NAALADL2: variants seen among roughly 807,000 people sequenced by gnomAD.
NAALADL2 encodes N-acetylated alpha-linked acidic dipeptidase like 2.
In NAALADL2, 76 loss-of-function variants were observed where a neutral mutation model predicts 87.2. The ratio of observed to expected loss-of-function variants is 0.87; its 90% CI spans 0.72 to 1.05. The LOEUF is 1.05. Ranked by LOEUF, NAALADL2 falls within the 50% of genes least tolerant of loss-of-function variation. The pLI is 0.00. For missense variants in NAALADL2, 1,089 were observed against 945.8 expected, an observed-to-expected ratio of 1.15 and a Z score of -1.99; for synonymous variants, 354 against 331.0, an observed-to-expected ratio of 1.07 and a Z score of -0.75.
intron 13 of NAALADL2, among the ~76,000 whole-genome samples, chr3:175,758,460 G>A (rs928904103): frequency 7.9e-5 from 12 of 151,806 alleles, no homozygotes; most frequent in Non-Finnish European, 1.0e-4. Flanking sequence ...GATTAGCTTC[G>A]TTTAGACGTA....
chr3:174,604,084 C>G (rs1287698376), intron 2 of NAALADL2, among the ~76,000 whole-genome samples: 1 of 152,054 alleles, frequency 6.6e-6, no homozygotes, highest in Non-Finnish European at 1.5e-5. Flanking sequence ...TTTATTTGGT[C>G]TATAGTGCAA....
intron 5 of NAALADL2, among the ~76,000 whole-genome samples, chr3:175,408,609 T>C (rs1467735318): frequency 1.3e-5 from 2 of 152,044 alleles, no homozygotes; most frequent in African/African-American, 4.8e-5. Context: ...TTGTATATAA[T>C]GTTTCAGAAT....
intron 11 of NAALADL2, among the ~76,000 whole-genome samples, chr3:175,629,210 T>G (rs1727424238): frequency 6.7e-6 from 1 of 148,728 alleles, no homozygotes; most frequent in Non-Finnish European, 1.5e-5. Context: ...AATGAATATA[T>G]AGTTTAATGA....
chr3:175,199,955 A>G (rs1468319830), intron 2 of NAALADL2, among the ~76,000 whole-genome samples: 1 of 143,868 alleles, frequency 7.0e-6, no homozygotes, highest in Non-Finnish European at 1.5e-5. Flanking sequence ...AATACAGGTT[A>G]ACCCAAAAGC....
intron 4 of NAALADL2, among the ~76,000 whole-genome samples, chr3:175,270,387 C>T (rs910046754): frequency 6.6e-6 from 1 of 152,120 alleles, no homozygotes; most frequent in Non-Finnish European, 1.5e-5. Flanking sequence ...ATGGTCATTA[C>T]GGTTAAATCA....
chr3:174,641,370 T>C (rs1393380343), intron 2 of NAALADL2, among the ~76,000 whole-genome samples: 2 of 152,174 alleles, frequency 1.3e-5, no homozygotes, highest in Non-Finnish European at 2.9e-5. Flanking sequence ...CTAGGTTTGG[T>C]GATTTCACTA....
intron 2 of NAALADL2, among the ~76,000 whole-genome samples, chr3:175,177,694 G>T (rs1159997885): frequency 6.6e-6 from 1 of 151,974 alleles, no homozygotes; most frequent in Non-Finnish European, 1.5e-5. Flanking sequence ...AACCATAATA[G>T]GTCCTAGTAT....
intron 11 of NAALADL2, among the ~76,000 whole-genome samples, chr3:175,657,468 G>A (rs1005087655): frequency 2.0e-5 from 3 of 151,846 alleles, no homozygotes; most frequent in African/African-American, 7.3e-5. Context: ...AAAATAAAAT[G>A]TCAGGATTTC....
At chr3:175,768,814 A>G (rs893032873) in intron 13 of NAALADL2, among the ~76,000 whole-genome samples, 2 of 151,190 alleles carry the variant, frequency 1.3e-5, no homozygotes, top group Admixed American at 6.6e-5. Flanking sequence ...ATTGGTCCAC[A>G]GCACTCCAGC....
At chr3:175,283,561 T>A in intron 4 of NAALADL2, among the ~76,000 whole-genome samples, 1 of 152,092 alleles carries the variant, frequency 6.6e-6, no homozygotes, top group East Asian at 1.9e-4. Flanking sequence ...AAAAATAATT[T>A]ATCATTCTGT....
At chr3:175,124,541 GC>G (rs563707535) in intron 2 of NAALADL2, 2 of 151,954 alleles carry the variant, frequency 1.3e-5, no homozygotes, top group Non-Finnish European at 2.9e-5. Context: ...CTTTCAACAG[GC>G]TTTCATTTTA....
chr3:175,306,533 C>A (rs926631886), intron 4 of NAALADL2, among the ~76,000 whole-genome samples: 5 of 152,118 alleles, frequency 3.3e-5, no homozygotes, highest in African/African-American at 1.2e-4. Flanking sequence ...CCAAAGCGGC[C>A]AGACGCGGTG....
At chr3:175,538,423 T>C (rs1466987101) in intron 9 of NAALADL2, among the ~76,000 whole-genome samples, 1 of 151,640 alleles carries the variant, frequency 6.6e-6, no homozygotes, top group Non-Finnish European at 1.5e-5. Flanking sequence ...CAGGAAAGGC[T>C]CTAGATTACC....
chr3:175,218,204 T>C (rs1297843997), intron 2 of NAALADL2: 2 of 365,674 alleles, frequency 5.5e-6, no homozygotes, highest in Non-Finnish European at 1.1e-5. Context: ...TTATATATTA[T>C]GTAAATTCCC....
chr3:175,192,322 T>C (rs1006834496), intron 2 of NAALADL2, among the ~76,000 whole-genome samples: 1 of 152,112 alleles, frequency 6.6e-6, no homozygotes, highest in Non-Finnish European at 1.5e-5. Context: ...AAACTTGCTG[T>C]CTTAGATTTT....
At chr3:174,493,546 C>G (rs894490743) in intron 1 of NAALADL2, among the ~76,000 whole-genome samples, 3 of 152,078 alleles carry the variant, frequency 2.0e-5, no homozygotes, top group African/African-American at 7.2e-5. Flanking sequence ...GTTTTTTAAG[C>G]CACACAGTCT....
intron 2 of NAALADL2, among the ~76,000 whole-genome samples, chr3:174,567,481 A>G (rs1714426875): frequency 6.6e-6 from 1 of 151,538 alleles, no homozygotes; most frequent in African/African-American, 2.4e-5. Context: ...CATATTATTT[A>G]TACCTACCTG....
intron 1 of NAALADL2, among the ~76,000 whole-genome samples, chr3:174,885,877 T>G (rs75389291): frequency 3.2e-3 from 10 of 3,146 alleles, no homozygotes; most frequent in East Asian, 0.01. Context: ...GTCCGAGTTG[T>G]TTTTTTTTTT....
intron 2 of NAALADL2, among the ~76,000 whole-genome samples, chr3:174,644,664 C>T (rs1723598722): frequency 6.6e-6 from 1 of 152,062 alleles, no homozygotes; most frequent in Non-Finnish European, 1.5e-5. Context: ...GGAATAATCC[C>T]CAAGTGGAGC....
Sources: allele counts gnomAD v4.1 joint callset (sites outside exome capture counted in the v4.1 genomes callset), GRCh38; gene constraint gnomAD v4.1.1; transcripts MANE v1.5; gene names NCBI Gene and HGNC (gene_info 2026-07-23, HGNC 2026-07-21).